Variants in AGBL4 observed in about 807,000 individuals in gnomAD.
AGBL4 encodes the protein AGBL carboxypeptidase 4, also known as cytosolic carboxypeptidase 6.
In AGBL4, 58 loss-of-function variants were observed where a neutral mutation model predicts 66.4. The observed-to-expected ratio is 0.87, with a 90% CI of 0.71 to 1.09. AGBL4 has a LOEUF of 1.09. AGBL4 is among the 50% of genes least tolerant of loss of function. The probability of loss-of-function intolerance (pLI) is 0.00; values close to 1 mark genes in which losing one functional copy is unlikely to be tolerated. For missense variants in AGBL4, 579 were observed against 631.0 expected, an observed-to-expected ratio of 0.92 and a Z score of 0.88; for synonymous variants, 234 against 222.9, an observed-to-expected ratio of 1.05 and a Z score of -0.44.
chr1:48,929,922 A>G (rs1654899826), intron 5 of AGBL4, among the ~76,000 whole-genome samples: 2 of 152,158 alleles, frequency 1.3e-5, no homozygotes, highest in South Asian at 4.1e-4. Context: ...GAACACTTCC[A>G]GGCTTAGGCC....
intron 6 of AGBL4, among the ~76,000 whole-genome samples, chr1:48,738,878 T>G (rs897178270): frequency 1.3e-5 from 2 of 152,150 alleles, no homozygotes; most frequent in Non-Finnish European, 2.9e-5. Flanking sequence ...CATAATGACC[T>G]TAAGAGATGG....
intron 4 of AGBL4, among the ~76,000 whole-genome samples, chr1:49,183,815 AC>A (rs1646969876): frequency 6.6e-6 from 1 of 152,166 alleles, no homozygotes; most frequent in Non-Finnish European, 1.5e-5. Context: ...GTCAACTCAA[AC>A]ACTGTCATCT....
chr1:49,688,217 GC>G (rs1646822384), intron 3 of AGBL4, among the ~76,000 whole-genome samples: 1 of 152,100 alleles, frequency 6.6e-6, no homozygotes, highest in Non-Finnish European at 1.5e-5. Context: ...CAACAATCAT[GC>G]CACTACAATT....
At chr1:49,496,940 C>T (rs1037923052) in intron 3 of AGBL4, among the ~76,000 whole-genome samples, 19 of 151,900 alleles carry the variant, frequency 1.3e-4, no homozygotes, top group African/African-American at 4.6e-4. Context: ...TTTTGAGAAA[C>T]ATTCTTACTG....
intron 4 of AGBL4, among the ~76,000 whole-genome samples, chr1:49,205,998 A>T (rs2148240902): frequency 6.6e-6 from 1 of 152,272 alleles, no homozygotes; most frequent in South Asian, 2.1e-4. Flanking sequence ...GATTTGGCAG[A>T]AAAAGGAGAT....
chr1:49,302,098 C>T (rs1372353559), intron 3 of AGBL4, among the ~76,000 whole-genome samples: 1 of 152,000 alleles, frequency 6.6e-6, no homozygotes, highest in Non-Finnish European at 1.5e-5. Flanking sequence ...CTTCTCCTCT[C>T]CCCCAACCCT....
intron 3 of AGBL4, among the ~76,000 whole-genome samples, chr1:49,367,500 C>T (rs1031838176): frequency 5.3e-5 from 8 of 152,154 alleles, no homozygotes; most frequent in African/African-American, 1.9e-4. Flanking sequence ...AACTGTGAGT[C>T]AAGTAAACCT....
intron 5 of AGBL4, among the ~76,000 whole-genome samples, chr1:48,889,569 C>T (rs866002573): frequency 3.9e-5 from 6 of 152,166 alleles, no homozygotes; most frequent in South Asian, 2.1e-4. Context: ...ATAAGGCTTT[C>T]GGACTGTCTC....
intron 5 of AGBL4, among the ~76,000 whole-genome samples, chr1:48,901,753 AG>A (rs1652102627): frequency 6.6e-6 from 1 of 152,174 alleles, no homozygotes. Flanking sequence ...GAGTGGGAAT[AG>A]GGGAGGGAGT....
chr1:49,603,080 G>T (rs1425868371), intron 3 of AGBL4, among the ~76,000 whole-genome samples: 5 of 152,074 alleles, frequency 3.3e-5, no homozygotes, highest in Admixed American at 3.3e-4. Flanking sequence ...GCCAGTCAGT[G>T]TCATAGCCAA....
chr1:49,285,370 A>T (rs1401156148), intron 3 of AGBL4, among the ~76,000 whole-genome samples: 1 of 152,168 alleles, frequency 6.6e-6, no homozygotes, highest in Non-Finnish European at 1.5e-5. Flanking sequence ...CATTCAGAGG[A>T]GTGTGTAGAG....
At chr1:48,541,040 T>G (rs1644059907) in intron 11 of AGBL4, among the ~76,000 whole-genome samples, 1 of 152,210 alleles carries the variant, frequency 6.6e-6, no homozygotes, top group Non-Finnish European at 1.5e-5. Context: ...TCCCTGATTA[T>G]TTTCTCAACA....
At chr1:49,421,132 C>T (rs1645537257) in intron 3 of AGBL4, among the ~76,000 whole-genome samples, 1 of 152,154 alleles carries the variant, frequency 6.6e-6, no homozygotes, top group South Asian at 2.1e-4. Flanking sequence ...AAATCTTAAA[C>T]ATCTCAAAGC....
chr1:49,356,265 T>A (rs530113490), intron 3 of AGBL4, among the ~76,000 whole-genome samples: 1 of 152,294 alleles, frequency 6.6e-6, no homozygotes, highest in African/African-American at 2.4e-5. Flanking sequence ...TCATCATGAC[T>A]TCTTTTTGTA....
At chr1:48,992,325 T>C (rs1413914904) in intron 5 of AGBL4, among the ~76,000 whole-genome samples, 1 of 151,818 alleles carries the variant, frequency 6.6e-6, no homozygotes, top group East Asian at 1.9e-4. Context: ...GAGACTCTTG[T>C]TCTCTTCCTT....
intron 4 of AGBL4, among the ~76,000 whole-genome samples, chr1:49,213,033 T>C (rs1299404178): frequency 2.0e-5 from 3 of 152,164 alleles, no homozygotes. Flanking sequence ...TTGAATTTCA[T>C]TTATTCTTTT....
chr1:49,353,502 A>C (rs1643953675), intron 3 of AGBL4, among the ~76,000 whole-genome samples: 1 of 152,288 alleles, frequency 6.6e-6, no homozygotes, highest in Admixed American at 6.5e-5. Context: ...TGCAGAAAAG[A>C]CTGCACCCTG....
In AGBL4 at chr1:49,815,899, C is replaced by CT. The variant is rs200517419; in HGVS notation, c.157+35496dup. ...CTCACCTAATTTCAATCATTACCAT[C>CT]TTTTTTTTCAGTGGGAGGTCTTACT... On this transcript the variant is annotated intron_variant, in intron 2 of 13. Transcript: ENST00000371839. Among the ~76,000 whole-genome samples, 14 of 151,852 alleles carry CT rather than the reference C, an allele frequency of 9.2e-5. No homozygotes were observed. In the East Asian group the frequency reaches 9.7e-4, roughly 10 times the overall value.
chr1:49,117,450 T>A (rs1454844648), intron 4 of AGBL4, among the ~76,000 whole-genome samples: 1 of 152,202 alleles, frequency 6.6e-6, no homozygotes, highest in Non-Finnish European at 1.5e-5. Context: ...CTAGCCAGTT[T>A]TCCCAGCACC....
Sources: allele counts gnomAD v4.1 joint callset (sites outside exome capture counted in the v4.1 genomes callset), GRCh38; gene constraint gnomAD v4.1.1; transcripts MANE v1.5; gene names NCBI Gene and HGNC (gene_info 2026-07-23, HGNC 2026-07-21).